IFT81: variants seen among roughly 807,000 people sequenced by gnomAD.
The protein encoded by IFT81 is intraflagellar transport protein 81 homolog.
In IFT81, 72 loss-of-function variants were observed where a neutral mutation model predicts 102.6. The ratio of observed to expected loss-of-function variants is 0.70; its 90% CI spans 0.58 to 0.85. The LOEUF is 0.85. IFT81 is among the 40% of genes least tolerant of loss of function. IFT81 has a pLI of 0.00. For synonymous variants in IFT81, 237 were observed against 242.7 expected, an observed-to-expected ratio of 0.98 and a Z score of 0.22; for missense variants, 723 against 787.3, an observed-to-expected ratio of 0.92 and a Z score of 0.98.
chr12:110,186,757 C>T (rs555500859), intron 12 of IFT81, among the ~76,000 whole-genome samples: 28 of 152,228 alleles, frequency 1.8e-4, no homozygotes, highest in African/African-American at 6.0e-4. Flanking sequence ...TCTTGAACTC[C>T]TGGGTCCAAA....
chr12:110,197,807 G>A (rs1460177521), intron 14 of IFT81, among the ~76,000 whole-genome samples: 1 of 151,916 alleles, frequency 6.6e-6, no homozygotes, highest in Non-Finnish European at 1.5e-5. Flanking sequence ...CCGCCTCCTG[G>A]GTTCAAGCAA....
At chr12:110,135,305 A>G (rs988770708) in intron 6 of IFT81, 22 bp from the exon 7 acceptor site, 10 of 1,452,406 alleles carry the variant, frequency 6.9e-6, no homozygotes, top group East Asian at 2.3e-5. Context: ...AGTAACATGT[A>G]CTACTTATTC....
intron 14 of IFT81, among the ~76,000 whole-genome samples, chr12:110,199,332 G>A (rs2137569973): frequency 6.6e-6 from 1 of 152,096 alleles, no homozygotes; most frequent in South Asian, 2.1e-4. Context: ...TTGAATCCTG[G>A]CAGCCAGGAT....
rs1868534334 is a variant in IFT81 at position 110,205,691 on chromosome 12, T to C, written c.1802+11T>C. ...AAGAAAGGCAATTAGGCAAGTGATT[T>C]TGTTGTTTTATATTGAGATACTTAA... On this transcript the variant is annotated intron_variant, in intron 17 of 18. Coordinates refer to ENST00000242591, the MANE Select transcript of IFT81 (RefSeq NM_014055.4). The C allele has an allele frequency of 6.5e-7, 1 of 1,549,358 alleles. No individual in the cohort carries two copies. The highest frequency in any genetic ancestry group is 1.4e-5 in the African/African-American group (1 of 72,622).
chr12:110,132,802 T>C (rs1219962490), intron 5 of IFT81, among the ~76,000 whole-genome samples, 166 bp downstream of exon 5: 1 of 152,110 alleles, frequency 6.6e-6, no homozygotes, highest in Non-Finnish European at 1.5e-5. Flanking sequence ...CTGATGAAAT[T>C]GATGAGACTG....
intron 3 of IFT81, among the ~76,000 whole-genome samples, chr12:110,128,418 C>T (rs1248172572): frequency 6.7e-6 from 1 of 149,732 alleles, no homozygotes; most frequent in African/African-American, 2.5e-5. Flanking sequence ...AGCTTAAACA[C>T]AACTTCCTTG....
chr12:110,173,465 C>T (rs774329979), intron 11 of IFT81, among the ~76,000 whole-genome samples: 110 of 152,346 alleles, frequency 7.2e-4, no homozygotes, highest in Admixed American at 1.4e-3. Context: ...GGGAGGTGTG[C>T]CCAACAGCTC....
intron 8 of IFT81, among the ~76,000 whole-genome samples, chr12:110,142,589 G>A (rs529648733): frequency 6.6e-6 from 1 of 151,936 alleles, no homozygotes; most frequent in South Asian, 2.1e-4. Context: ...AATTGTTCTG[G>A]GTACAGTGTA....
At chr12:110,203,736 A>G in intron 14 of IFT81, 128 bp from the exon 15 acceptor site, 1 of 679,234 alleles carries the variant, frequency 1.5e-6, no homozygotes, top group Non-Finnish European at 2.7e-6. Flanking sequence ...TTGTTGCATA[A>G]ATAACTCTTA....
intron 12 of IFT81, among the ~76,000 whole-genome samples, chr12:110,182,223 T>G (rs986798701): frequency 1.3e-5 from 2 of 152,240 alleles, no homozygotes; most frequent in Non-Finnish European, 2.9e-5. Context: ...TAGGATCTAC[T>G]TGTTTGTCAC....
At chr12:110,207,260 A>G (rs1045854257) in intron 17 of IFT81, among the ~76,000 whole-genome samples, 3 of 152,056 alleles carry the variant, frequency 2.0e-5, no homozygotes, top group Non-Finnish European at 4.4e-5. Context: ...GGGTTTCACC[A>G]TGTTAGCCAG....
chr12:110,170,139 G>A (rs1009225230), intron 11 of IFT81, among the ~76,000 whole-genome samples: 5 of 151,582 alleles, frequency 3.3e-5, no homozygotes, highest in African/African-American at 9.7e-5. Flanking sequence ...ATTTTTAGTA[G>A]AGATGGGGTT....
intron 13 of IFT81, 141 bp from the exon 14 acceptor site, chr12:110,192,476 C>A: frequency 2.0e-6 from 1 of 508,520 alleles, no homozygotes; most frequent in Admixed American, 3.9e-5. Context: ...TTTTCTAAAG[C>A]ACTTCTCTGT....
chr12:110,166,512 G>A (rs1896443464), intron 11 of IFT81, among the ~76,000 whole-genome samples: 1 of 151,872 alleles, frequency 6.6e-6, no homozygotes, highest in South Asian at 2.1e-4. Context: ...ACTTAAAAAT[G>A]GTAAAAGTGG....
chr12:110,212,202 A>G (rs1016295380), intron 18 of IFT81, among the ~76,000 whole-genome samples: 1 of 151,638 alleles, frequency 6.6e-6, no homozygotes, highest in African/African-American at 2.4e-5. Context: ...ATAGAAAACA[A>G]TGGAGTAATT....
At chr12:110,137,157 T>G (rs1566107395) in intron 8 of IFT81, among the ~76,000 whole-genome samples, 1 of 152,144 alleles carries the variant, frequency 6.6e-6, no homozygotes, top group South Asian at 2.1e-4. Context: ...CTAGCCAACA[T>G]GGCGAAACCC....
intron 17 of IFT81, 72 bp from the exon 18 acceptor site, chr12:110,209,099 A>G: frequency 1.2e-6 from 1 of 803,986 alleles, no homozygotes; most frequent in Non-Finnish European, 2.0e-6. Context: ...TAGATATATT[A>G]ATTTATAATT....
chr12:110,159,740 C>A (rs190853194), intron 10 of IFT81, among the ~76,000 whole-genome samples: 3 of 152,172 alleles, frequency 2.0e-5, no homozygotes, highest in Non-Finnish European at 4.4e-5. Flanking sequence ...TCAGAAGCAG[C>A]GCATAGATCC....
chr12:110,167,920 T>A (rs1224464594), intron 11 of IFT81: 1 of 246,354 alleles, frequency 4.1e-6, no homozygotes, highest in African/African-American at 2.4e-5. Context: ...GGTGTGATCA[T>A]GGCTTACTGC....
Sources: gnomAD v4.1 joint callset for allele counts (sites outside exome capture counted in the v4.1 genomes callset) on GRCh38, gnomAD v4.1.1 for gene constraint, MANE v1.5 for transcripts, NCBI Gene and HGNC (gene_info 2026-07-23, HGNC 2026-07-21) for gene names.